GRXCR1: variants seen among roughly 807,000 people sequenced by gnomAD.
GRXCR1 encodes the protein glutaredoxin and cysteine rich domain containing 1, also known as glutaredoxin domain-containing cysteine-rich protein 1.
In GRXCR1, 27 loss-of-function variants were observed where a neutral mutation model predicts 27.3. That is an observed-to-expected ratio of 0.99 (90% CI 0.73 to 1.37). The LOEUF (loss-of-function observed/expected upper bound fraction) is 1.37, where lower values mean the gene tolerates loss of function less well. Among genes scored for constraint, GRXCR1 ranks in the 40% most tolerant of loss-of-function variants. The pLI, the probability that GRXCR1 is intolerant of heterozygous loss-of-function variation, is 0.00. For missense variants in GRXCR1, 379 were observed against 354.4 expected (o/e 1.07, Z -0.56); for synonymous variants, 122 against 131.1 (o/e 0.93, Z 0.47).
chr4:42,935,438 T>C (rs10032002), intron 1 of GRXCR1, among the ~76,000 whole-genome samples: 1,936 of 151,858 alleles, frequency 0.013, 48 homozygotes, highest in African/African-American at 0.044. Context: ...AAAGAAATGA[T>C]TAGGGTCTGG....
intron 1 of GRXCR1, among the ~76,000 whole-genome samples, chr4:42,949,156 C>T (rs1162250430): frequency 6.6e-6 from 1 of 151,534 alleles, no homozygotes; most frequent in East Asian, 1.9e-4. Flanking sequence ...GAGATCGAGA[C>T]CCTCCTGGCC....
intron 2 of GRXCR1, among the ~76,000 whole-genome samples, chr4:42,973,009 C>A (rs2109780375): frequency 6.6e-6 from 1 of 152,270 alleles, no homozygotes; most frequent in South Asian, 2.1e-4. Context: ...TCATCATTGG[C>A]ATTTTTAATC....
intron 3 of GRXCR1, among the ~76,000 whole-genome samples, chr4:43,023,550 T>C (rs967744172): frequency 6.6e-6 from 1 of 152,188 alleles, no homozygotes; most frequent in African/African-American, 2.4e-5. Flanking sequence ...TAGTAACACA[T>C]GTGATAGCTT....
At chr4:42,910,759 C>T (rs1746705625) in intron 1 of GRXCR1, among the ~76,000 whole-genome samples, 1 of 152,134 alleles carries the variant, frequency 6.6e-6, no homozygotes, top group Non-Finnish European at 1.5e-5. Context: ...CACACTCTCC[C>T]TTACAGCACA....
Position 42,975,082 on chromosome 4 carries a change from G to A in GRXCR1, c.627+11948G>A, listed in dbSNP as rs147372346. Reference sequence around the variant, plus strand: ...GACTCCTATGGCCAAGGGACTTAGAGCCAAAAGACATATAACCATTTAAAT... The same window carrying A: ...GACTCCTATGGCCAAGGGACTTAGAACCAAAAGACATATAACCATTTAAAT... On this transcript the variant is annotated intron_variant, in intron 2 of 3. Transcript: ENST00000399770. Among the ~76,000 whole-genome samples, 99 of 152,190 alleles carry A rather than the reference G, an allele frequency of 6.5e-4. 1 individual carries two copies. The highest frequency in any genetic ancestry group is 2.2e-3 in the African/African-American group (93 of 41,540).
chr4:43,022,810 T>A (rs754469095), intron 3 of GRXCR1, among the ~76,000 whole-genome samples: 1 of 152,170 alleles, frequency 6.6e-6, no homozygotes. Flanking sequence ...AGGAGTTCAA[T>A]TTTCATGATG....
intron 1 of GRXCR1, among the ~76,000 whole-genome samples, chr4:42,940,265 A>G (rs947003242): frequency 6.6e-6 from 1 of 152,064 alleles, no homozygotes; most frequent in East Asian, 1.9e-4. Context: ...TATCAAAATT[A>G]CCATGTAAAT....
intron 1 of GRXCR1, among the ~76,000 whole-genome samples, chr4:42,932,455 G>GCTTT (rs1747335112): frequency 1.3e-5 from 2 of 149,228 alleles, no homozygotes; most frequent in African/African-American, 2.5e-5. Context: ...ACCGCAGTTT[G>GCTTT]CCATCTCTTT....
At chr4:43,020,451 A>C in intron 3 of GRXCR1, 32 bp downstream of exon 3, 3 of 1,338,230 alleles carry the variant, frequency 2.2e-6, no homozygotes, top group Non-Finnish European at 3.2e-6. Context: ...TAGTTTTAGT[A>C]ATCAAAATAT....
chr4:43,014,498 A>C (rs1288494440), intron 2 of GRXCR1, among the ~76,000 whole-genome samples: 1 of 152,178 alleles, frequency 6.6e-6, no homozygotes, highest in African/African-American at 2.4e-5. Flanking sequence ...ACATAGCAGA[A>C]GGATCCTTTA....
chr4:42,962,946 C>A lies in GRXCR1; in HGVS notation c.439C>A (p.Arg147Ser). Residue 147 changes from arginine (R) to serine (S), a missense_variant, in exon 2 of 4, where the codon CGT (arginine) becomes AGT (serine). Coordinates refer to ENST00000399770, the MANE Select transcript of GRXCR1 (RefSeq NM_001080476.3). ...DRVVIYTTCL[R>S]VVRTTFERCE... ...TGTAGTGATTTATACCACCTGCCTT[C>A]GTGTGGTCCGGACAACCTTTGAAAG... is the stretch of plus-strand genomic sequence containing the variant. 1 of 1,612,656 alleles carries A rather than the reference C, an allele frequency of 6.2e-7. No individual in the cohort carries two copies. The highest frequency in any genetic ancestry group is 8.5e-7 in the Non-Finnish European group (1 of 1,178,986).
At chr4:42,918,074 G>T (rs751914165) in intron 1 of GRXCR1, among the ~76,000 whole-genome samples, 2 of 152,052 alleles carry the variant, frequency 1.3e-5, no homozygotes, top group Non-Finnish European at 2.9e-5. Flanking sequence ...AATACTCTTG[G>T]TGTTGTCAAT....
chr4:42,902,753 T>C (rs772214171), intron 1 of GRXCR1, among the ~76,000 whole-genome samples: 16 of 152,282 alleles, frequency 1.1e-4, no homozygotes, highest in Non-Finnish European at 2.4e-4. Flanking sequence ...ACCTAGGTGA[T>C]GGGATGATCT....
chr4:43,010,703 A>C (rs1712721805), intron 2 of GRXCR1, among the ~76,000 whole-genome samples: 1 of 152,158 alleles, frequency 6.6e-6, no homozygotes, highest in Non-Finnish European at 1.5e-5. Context: ...TTAAGAGATC[A>C]CGTAAAAAAG....
intron 1 of GRXCR1, among the ~76,000 whole-genome samples, chr4:42,937,865 C>T (rs1331276177): frequency 6.6e-6 from 1 of 151,878 alleles, no homozygotes; most frequent in Non-Finnish European, 1.5e-5. Flanking sequence ...ATAATAATCA[C>T]ATCAATGTAC....
At position 42,956,171 on chromosome 4, in the gene GRXCR1, G is replaced by T. The variant is rs535265323; in HGVS notation, c.385-6721G>T. 2.0e-4 allele frequency among the ~76,000 whole-genome samples: 31 copies of T among 152,188 alleles called. No homozygotes were observed. In the South Asian group the frequency reaches 2.1e-3, roughly 10 times the overall value. On this transcript the variant is annotated intron_variant, in intron 1 of 3. Transcript: ENST00000399770. ...TGCATGTGCTGCAGGTTGTTGTAAGGCTTCCAGGCATCCCTAAGATTCATC... is the reference window on the plus strand; with the variant it reads ...TGCATGTGCTGCAGGTTGTTGTAAGTCTTCCAGGCATCCCTAAGATTCATC...
chr4:42,896,349 T>C (rs1746346035), intron 1 of GRXCR1, among the ~76,000 whole-genome samples: 1 of 152,140 alleles, frequency 6.6e-6, no homozygotes, highest in Admixed American at 6.6e-5. Context: ...TATTGGTCAA[T>C]TAGTTTACCT....
intron 1 of GRXCR1, among the ~76,000 whole-genome samples, chr4:42,896,831 T>C (rs1010534479): frequency 2.6e-5 from 4 of 152,116 alleles, no homozygotes; most frequent in Non-Finnish European, 4.4e-5. Context: ...ATTCATTCTT[T>C]TGATCAGGTT....
chr4:42,895,826 C>G (rs13116351), intron 1 of GRXCR1, among the ~76,000 whole-genome samples: 39,817 of 151,734 alleles, frequency 0.26, 6,355 homozygotes, highest in Non-Finnish European at 0.36. Flanking sequence ...GGGCTAGAAG[C>G]AGAAGTTATT....
Sources: allele counts gnomAD v4.1 joint callset (sites outside exome capture counted in the v4.1 genomes callset), GRCh38; gene constraint gnomAD v4.1.1; transcripts MANE v1.5; gene names NCBI Gene and HGNC (gene_info 2026-07-23, HGNC 2026-07-21).